CTNNBL1: variants seen among roughly 807,000 people sequenced by gnomAD.
CTNNBL1 encodes the protein beta-catenin-like protein 1.
Under a neutral mutation model 72.7 loss-of-function variants are expected in CTNNBL1, and 31 were observed. The ratio of observed to expected loss-of-function variants is 0.43; its 90% CI spans 0.32 to 0.58. The LOEUF (loss-of-function observed/expected upper bound fraction) is 0.58. Ranked by LOEUF, CTNNBL1 falls within the 20% of genes least tolerant of loss-of-function variation. CTNNBL1 has a pLI of 0.08. For missense variants in CTNNBL1, 534 were observed against 725.1 expected, an observed-to-expected ratio of 0.74 and a Z score of 3.03; for synonymous variants, 240 against 267.3, an observed-to-expected ratio of 0.90 and a Z score of 1.00.
At chr20:37,772,634 C>A (rs953352793) in intron 7 of CTNNBL1, among the ~76,000 whole-genome samples, 3 of 152,168 alleles carry the variant, frequency 2.0e-5, no homozygotes, top group African/African-American at 7.2e-5. Context: ...AGGTGTAAGC[C>A]ACTGCGCCCG....
intron 11 of CTNNBL1, among the ~76,000 whole-genome samples, chr20:37,803,837 A>G (rs530846728): frequency 6.6e-6 from 1 of 151,148 alleles, no homozygotes; most frequent in Non-Finnish European, 1.5e-5. Context: ...CTCAGAAGCA[A>G]TGTTCGTCCC....
intron 11 of CTNNBL1, 99 bp from the exon 12 acceptor site, chr20:37,840,003 C>CTACT: frequency 1.3e-6 from 1 of 790,934 alleles, no homozygotes; most frequent in Non-Finnish European, 2.1e-6. Context: ...TCAGAAAGGC[C>CTACT]TACTTATTCT....
chr20:37,769,245 A>T (rs1194952432), intron 7 of CTNNBL1, among the ~76,000 whole-genome samples: 4 of 152,214 alleles, frequency 2.6e-5, no homozygotes. Context: ...GTCTCAGTTT[A>T]TCTGTACGAT....
intron 10 of CTNNBL1, among the ~76,000 whole-genome samples, chr20:37,791,841 G>A (rs768926704): frequency 1.2e-4 from 19 of 152,138 alleles, no homozygotes; most frequent in Admixed American, 4.6e-4. Context: ...CCCCTGCCCC[G>A]TGGAAAAACT....
intron 1 of CTNNBL1, among the ~76,000 whole-genome samples, chr20:37,729,502 C>A (rs1231639533): frequency 6.7e-6 from 1 of 150,296 alleles, no homozygotes; most frequent in Non-Finnish European, 1.5e-5. Flanking sequence ...TTTTGCATTT[C>A]TTAACTGTGG....
chr20:37,770,047 G>A (rs1600476667), intron 7 of CTNNBL1, among the ~76,000 whole-genome samples: 1 of 152,306 alleles, frequency 6.6e-6, no homozygotes. Flanking sequence ...GCTACCATCA[G>A]TATGAGCACA....
chr20:37,746,316 G>T (rs947240661), intron 3 of CTNNBL1, 152 bp from the exon 4 acceptor site: 13 of 746,594 alleles, frequency 1.7e-5, no homozygotes, highest in Non-Finnish European at 2.2e-5. Context: ...CAAGGAAATT[G>T]TGTGACAGTA....
intron 11 of CTNNBL1, among the ~76,000 whole-genome samples, chr20:37,809,010 A>T (rs1302989128): frequency 1.4e-5 from 2 of 146,370 alleles, no homozygotes; most frequent in Non-Finnish European, 3.1e-5. Flanking sequence ...AGTCCTTTTC[A>T]TTGCCACTGT....
At chr20:37,707,279 C>A (rs1262544088) in intron 1 of CTNNBL1, among the ~76,000 whole-genome samples, 1 of 152,226 alleles carries the variant, frequency 6.6e-6, no homozygotes, top group Non-Finnish European at 1.5e-5. Flanking sequence ...TGTGAAAATC[C>A]TAGATGGCCT....
Position 37,802,955 on chromosome 20 carries a change from G to T in CTNNBL1, c.1120G>T (p.Val374Phe). The T allele has an allele frequency of 6.2e-7, 1 of 1,614,102 alleles. No homozygotes were observed. The highest frequency in any genetic ancestry group is 8.5e-7 in the Non-Finnish European group (1 of 1,179,986). Residue 374 changes from valine to phenylalanine, a missense_variant, in exon 11 of 16, where the codon GTT (valine) becomes TTT (phenylalanine). Physicochemically the swap from Val to Phe is conservative, Grantham distance 50 (BLOSUM62 -1). Transcript: ENST00000361383. ...AGGCACAGACAACTGCCATAAGTTT[G>T]TTGACATTCTTGGCTTACGAACCAT... Reference protein sequence around the residue: ...PEGTDNCHKFVDILGLRTIFP... With the variant: ...PEGTDNCHKFFDILGLRTIFP...
intron 13 of CTNNBL1, among the ~76,000 whole-genome samples, chr20:37,844,148 T>G (rs1184766115): frequency 6.6e-6 from 1 of 152,196 alleles, no homozygotes; most frequent in African/African-American, 2.4e-5. Context: ...CCTGGACTTT[T>G]GTAAGGAAAA....
intron 4 of CTNNBL1, among the ~76,000 whole-genome samples, chr20:37,756,892 C>T (rs949123775): frequency 2.6e-5 from 4 of 152,144 alleles, no homozygotes; most frequent in Non-Finnish European, 5.9e-5. Flanking sequence ...AGCAGTCCTC[C>T]TGCCTTGGCC....
rs1419528124 is a variant in CTNNBL1 at position 37,733,143 on chromosome 20, G to A, written c.219+76G>A. 2.4e-6 allele frequency: 3 copies of A among 1,276,218 alleles called. No homozygotes were observed. In the African/African-American group the frequency reaches 4.4e-5, roughly 19 times the overall value. 79.1% of individuals were successfully genotyped at this position (1,276,218 alleles called of 1,614,324 possible). A position where few individuals can be genotyped will look rare whatever the true frequency, so the allele number is the denominator to read the frequency against. On this transcript the variant is annotated intron_variant, in intron 2 of 15. Transcript: ENST00000361383. ...TAATTTTGGGCCAAATACTAAGCTT[G>A]TCTGAGCTTCCCATCTTCATCTGTA...
chr20:37,805,450 G>T (rs1353477565), intron 11 of CTNNBL1, among the ~76,000 whole-genome samples: 1 of 142,952 alleles, frequency 7.0e-6, no homozygotes, highest in African/African-American at 2.6e-5. Flanking sequence ...AGGCTAGAGT[G>T]CAGTGATGCG....
intron 2 of CTNNBL1, among the ~76,000 whole-genome samples, chr20:37,735,919 G>T (rs2073167297): frequency 6.6e-6 from 1 of 152,174 alleles, no homozygotes; most frequent in Non-Finnish European, 1.5e-5. Flanking sequence ...GCTTTGAGTT[G>T]GGATAGTATG....
chr20:37,843,339 AG>A (rs1296167540), intron 13 of CTNNBL1, among the ~76,000 whole-genome samples: 1 of 152,154 alleles, frequency 6.6e-6, no homozygotes, highest in Non-Finnish European at 1.5e-5. Context: ...CACTGGTGGA[AG>A]GACTGATTTT....
chr20:37,749,763 T>G (rs1380077992), intron 4 of CTNNBL1: 1 of 152,180 alleles, frequency 6.6e-6, no homozygotes, highest in East Asian at 1.9e-4. Context: ...CCTCTTGACT[T>G]GCATCTACCA....
intron 1 of CTNNBL1, among the ~76,000 whole-genome samples, chr20:37,701,800 T>C: frequency 6.6e-6 from 1 of 151,968 alleles, no homozygotes; most frequent in Admixed American, 6.6e-5. Flanking sequence ...ATGTGTGGCG[T>C]AATACATCGT....
At chr20:37,703,303 C>T (rs944672352) in intron 1 of CTNNBL1, among the ~76,000 whole-genome samples, 4 of 152,166 alleles carry the variant, frequency 2.6e-5, no homozygotes, top group Admixed American at 6.5e-5. Context: ...TTTTTCTGTT[C>T]CAGGTTTCTA....
Sources: allele counts gnomAD v4.1 joint callset (sites outside exome capture counted in the v4.1 genomes callset), GRCh38; gene constraint gnomAD v4.1.1; transcripts MANE v1.5; gene names NCBI Gene and HGNC (gene_info 2026-07-23, HGNC 2026-07-21).